The following DSCAM variants were observed in gnomAD, a reference collection of about 807,000 sequenced individuals.
The protein encoded by DSCAM is cell adhesion molecule DSCAM.
In DSCAM, 47 loss-of-function variants were observed where a neutral mutation model predicts 217.7. That is an observed-to-expected ratio of 0.22 (90% CI 0.17 to 0.28). DSCAM has a LOEUF of 0.28. DSCAM is among the 10% of genes least tolerant of loss of function. DSCAM has a pLI of 1.00. For synonymous variants in DSCAM, 1,056 were observed against 1,015.3 expected, an observed-to-expected ratio of 1.04 and a Z score of -0.76; for missense variants, 2,080 against 2,618.3, an observed-to-expected ratio of 0.79 and a Z score of 4.49.
At chr21:40,695,504 C>T (rs1201300550) in intron 2 of DSCAM, among the ~76,000 whole-genome samples, 1 of 152,118 alleles carries the variant, frequency 6.6e-6, no homozygotes, top group Admixed American at 6.5e-5. Context: ...CAGGTCAGTC[C>T]CAAGAAGCCC....
intron 3 of DSCAM, among the ~76,000 whole-genome samples, chr21:40,372,460 A>G (rs1015346598): frequency 6.6e-6 from 1 of 152,186 alleles, no homozygotes; most frequent in Non-Finnish European, 1.5e-5. Context: ...ACTTTTTGTC[A>G]TGTTAGACAC....
intron 8 of DSCAM, among the ~76,000 whole-genome samples, chr21:40,330,950 C>G (rs1334716822): frequency 6.6e-6 from 1 of 152,156 alleles, no homozygotes; most frequent in East Asian, 1.9e-4. Flanking sequence ...TCTGCAATTC[C>G]CAAGTCGTTG....
At chr21:40,793,442 T>A (rs2091664534) in intron 1 of DSCAM, among the ~76,000 whole-genome samples, 1 of 150,732 alleles carries the variant, frequency 6.6e-6, no homozygotes, top group African/African-American at 2.4e-5. Flanking sequence ...GATACATAAA[T>A]CCCTTGCTTT....
At chr21:40,097,955 AAAGAAAGAAAGAAAGAAAG>A (rs1362330887) in intron 20 of DSCAM, among the ~76,000 whole-genome samples, 3 of 18,752 alleles carry the variant, frequency 1.6e-4, no homozygotes, top group African/African-American at 4.0e-4. Flanking sequence ...AAAAAAAAAA[AAAGAAAGAAAGAAAGAAAG>A]AAAGAAAGAA....
intron 1 of DSCAM, among the ~76,000 whole-genome samples, chr21:40,733,925 C>T (rs924959797): frequency 1.3e-5 from 2 of 152,184 alleles, no homozygotes; most frequent in Non-Finnish European, 2.9e-5. Context: ...GATATTTGAT[C>T]TCCACCTGAC....
At chr21:40,797,287 G>T (rs183675902) in intron 1 of DSCAM, among the ~76,000 whole-genome samples, 1 of 152,266 alleles carries the variant, frequency 6.6e-6, no homozygotes, top group Admixed American at 6.5e-5. Flanking sequence ...TCATAATTAA[G>T]GGAGGAATAT....
At chr21:40,592,582 C>T (rs905588039) in intron 3 of DSCAM, among the ~76,000 whole-genome samples, 2 of 152,142 alleles carry the variant, frequency 1.3e-5, no homozygotes, top group African/African-American at 4.8e-5. Flanking sequence ...TCTTCCAATA[C>T]ACCAAACTCT....
chr21:40,333,508 G>C (rs2074398081), intron 8 of DSCAM, among the ~76,000 whole-genome samples: 1 of 152,116 alleles, frequency 6.6e-6, no homozygotes. Context: ...AGGATTACAG[G>C]TGTGTGCCAC....
At chr21:40,696,475 T>C (rs763113946) in intron 2 of DSCAM, among the ~76,000 whole-genome samples, 4 of 152,144 alleles carry the variant, frequency 2.6e-5, no homozygotes, top group African/African-American at 4.8e-5. Flanking sequence ...GGATCCCCTG[T>C]TGTAGCTGTC....
chr21:40,196,272 G>C (rs1601430082), intron 11 of DSCAM, among the ~76,000 whole-genome samples: 2 of 152,298 alleles, frequency 1.3e-5, no homozygotes, highest in Admixed American at 1.3e-4. Flanking sequence ...CCAACCTCCT[G>C]CCGCTGGGAC....
intron 3 of DSCAM, among the ~76,000 whole-genome samples, chr21:40,417,551 T>C (rs1042740061): frequency 2.4e-5 from 2 of 84,132 alleles, no homozygotes; most frequent in African/African-American, 4.1e-5. Context: ...TGATATTTGA[T>C]GAAGAAAAAT....
At position 40,364,060 on chromosome 21, in the gene DSCAM, A is replaced by G. The variant is rs189557710; in HGVS notation, c.655+5039T>C. ...CTGGAGAGGATGTGGAGAAATAGGA[A>G]CACTTTTACACTGTTGGTGGGACTG... is the stretch of plus-strand genomic sequence containing the variant. On this transcript the variant is annotated intron_variant, in intron 4 of 32. Coordinates refer to ENST00000400454, the MANE Select transcript of DSCAM (RefSeq NM_001389.5). Among the ~76,000 whole-genome samples, 269 of 152,326 alleles carry G rather than the reference A, an allele frequency of 1.8e-3. 2 individuals carry two copies. Among genetic ancestry groups the G allele is most frequent in the African/African-American group, 5.0e-3 (206 of 41,576 alleles).
intron 3 of DSCAM, among the ~76,000 whole-genome samples, chr21:40,508,752 TA>T (rs2076230461): frequency 3.4e-4 from 1 of 2,940 alleles, no homozygotes; most frequent in African/African-American, 1.9e-3. Context: ...TATATATATA[TA>T]TATATATATA....
At chr21:40,357,427 C>T (rs1053858503) in intron 4 of DSCAM, among the ~76,000 whole-genome samples, 5 of 152,160 alleles carry the variant, frequency 3.3e-5, no homozygotes, top group Non-Finnish European at 5.9e-5. Context: ...CACCTGCACA[C>T]CCAATGGGTT....
At chr21:40,145,875 C>T (rs933883685) in intron 16 of DSCAM, among the ~76,000 whole-genome samples, 2 of 151,702 alleles carry the variant, frequency 1.3e-5, no homozygotes, top group African/African-American at 4.8e-5. Context: ...CGAATGCCAC[C>T]AAGATGAGGC....
intron 3 of DSCAM, among the ~76,000 whole-genome samples, chr21:40,479,647 C>T (rs902569189): frequency 6.6e-6 from 1 of 152,122 alleles, no homozygotes; most frequent in Non-Finnish European, 1.5e-5. Context: ...ATCACGAGAA[C>T]AGCATGGGTA....
chr21:40,630,545 C>G (rs1196605066), intron 3 of DSCAM: 3 of 152,216 alleles, frequency 2.0e-5, no homozygotes, highest in African/African-American at 7.2e-5. Flanking sequence ...GTGATTCTCC[C>G]TCCTCGGCCT....
intron 3 of DSCAM, among the ~76,000 whole-genome samples, chr21:40,523,162 A>C (rs761697705): frequency 6.6e-6 from 1 of 152,154 alleles, no homozygotes; most frequent in Admixed American, 6.5e-5. Context: ...AGTGATACAG[A>C]AGCGGGCAGG....
At chr21:40,713,760 C>A (rs774023837) in intron 1 of DSCAM, among the ~76,000 whole-genome samples, 2 of 152,142 alleles carry the variant, frequency 1.3e-5, no homozygotes, top group Non-Finnish European at 2.9e-5. Context: ...GGTCATGTAA[C>A]CAGTCATTTA....
Sources: allele counts gnomAD v4.1 joint callset (sites outside exome capture counted in the v4.1 genomes callset), GRCh38; gene constraint gnomAD v4.1.1; transcripts MANE v1.5; gene names NCBI Gene and HGNC (gene_info 2026-07-23, HGNC 2026-07-21).